ERN2: variants seen among roughly 807,000 people sequenced by gnomAD.
ERN2 encodes serine/threonine-protein kinase/endoribonuclease IRE2.
A neutral mutation model predicts 107.9 loss-of-function variants in ERN2; 111 were observed. The observed-to-expected ratio is 1.03, with a 90% CI of 0.88 to 1.20. ERN2 has a LOEUF of 1.20. Ranked by LOEUF, ERN2 falls within the 50% of genes most tolerant of loss-of-function variation. The pLI is 0.00. For missense variants in ERN2, 1,225 were observed against 1,197.9 expected (o/e 1.02, Z -0.33); for synonymous variants, 524 against 501.7 (o/e 1.04, Z -0.59).
rs752855204 is a variant in ERN2, at chr16:23,705,058, C to T, written c.679G>A (p.Val227Met). 39 of 1,613,856 alleles carry T rather than the reference C, an allele frequency of 2.4e-5. No individual in the cohort carries two copies. Among genetic ancestry groups the T allele is most frequent in the Admixed American group, 2.2e-4 (13 of 60,000 alleles). Residue 227 changes from valine (V) to methionine (M), a missense_variant, in exon 8 of 22, where the codon GTG (valine) becomes ATG (methionine). Val to Met is a conservative substitution (Grantham distance 21). Transcript: ENST00000256797. ...CAGGTGTAGACGCCCATCACAGGCA[C>T]GCCCAGGTCCTGTGTCCACAGCACC... Reference protein sequence around the residue: ...GTVLWTQDLGVPVMGVYTWHQ... With the variant: ...GTVLWTQDLGMPVMGVYTWHQ...
In ERN2 at chr16:23,710,207, A is replaced by G; in HGVS notation, c.271T>C (p.Tyr91His). 1 of 1,614,042 alleles carries G rather than the reference A, an allele frequency of 6.2e-7. No homozygotes were observed. The highest frequency in any genetic ancestry group is 8.5e-7 in the Non-Finnish European group (1 of 1,179,890). The stretch of plus-strand genomic sequence containing the variant: ...TGTTGTTTTTGGGTCCCCAAGATGT[A>G]CAGGCTGCCATCTGCTGGGTCAGAG... ...FLSDPADGSL[Y>H]ILGTQKQQGL... Residue 91 changes from tyrosine to histidine, a missense_variant, in exon 4 of 22, where the codon TAC (tyrosine) becomes CAC (histidine). Coordinates refer to ENST00000256797, the MANE Select transcript of ERN2 (RefSeq NM_033266.4).
chr16:23,701,760 GCTGGGA>G (rs1247814394), intron 11 of ERN2, among the ~76,000 whole-genome samples: 2 of 151,656 alleles, frequency 1.3e-5, no homozygotes, highest in Admixed American at 1.3e-4. Context: ...CTCCTGAGTA[GCTGGGA>G]CTACAGATGC....
In ERN2 at chr16:23,692,333, T is replaced by C; in HGVS notation, c.2101-2A>G. On this transcript the variant is annotated splice_acceptor_variant, in intron 17 of 21. Transcript: ENST00000256797. LOFTEE classifies it high-confidence loss of function. The stretch of plus-strand genomic sequence containing the variant: ...AGAGAAGATGTCCACAGCGCTGGTC[T>C]GGAGCCAGAGAGATGGGCATGAGAA... The C allele has an allele frequency of 6.2e-7, 1 of 1,612,268 alleles. No individual in the cohort carries two copies. Among genetic ancestry groups the C allele is most frequent in the Non-Finnish European group, 8.5e-7 (1 of 1,179,996 alleles).
intron 2 of ERN2, 41 bp from the exon 3 acceptor site, chr16:23,710,590 G>T (rs753952389): frequency 6.2e-7 from 1 of 1,610,174 alleles, no homozygotes. Flanking sequence ...GTTTCCTCCA[G>T]ACCCCACTGA....
At chr16:23,694,962 G>C (rs1225256459) in intron 16 of ERN2, 35 bp from the exon 17 acceptor site, 1 of 1,613,722 alleles carries the variant, frequency 6.2e-7, no homozygotes, top group South Asian at 1.1e-5. Context: ...GCTGGTTGCT[G>C]AGGGCGGAAG....
rs755645010 is a variant in ERN2, at chr16:23,710,970, C to T, written c.142G>A (p.Gly48Arg). Residue 48 changes from glycine (G) to arginine (R), a missense_variant, in exon 2 of 22, where the codon GGA becomes AGA. Coordinates refer to ENST00000256797, the MANE Select transcript of ERN2 (RefSeq NM_033266.4). ...ENLLLVSTLD[G>R]SLHALSKQTG... ...TGCTTGCTTAGTGCGTGGAGACTTC[C>T]ATCCAAGGTGGACACCAGCAGGAGG... 9 of 1,614,030 alleles carry T rather than the reference C, an allele frequency of 5.6e-6. No individual in the cohort carries two copies. The East Asian group carries it at 1.8e-4, about 32-fold the overall frequency.
chr16:23,699,762 G>T (rs919429360), intron 13 of ERN2, among the ~76,000 whole-genome samples: 2 of 152,060 alleles, frequency 1.3e-5, no homozygotes, highest in Admixed American at 6.5e-5. Flanking sequence ...ATTGAGAAAA[G>T]ATAAGTGTTT....
At position 23,709,503 on chromosome 16, in the gene ERN2, C is replaced by T. The variant is rs148195620; in HGVS notation, c.306+669G>A. The stretch of plus-strand genomic sequence containing the variant: ...TGTTTTTTCACCACTGGATTCTCAG[C>T]TTGGCCATGTGACCTGCTTTGGCTG... On this transcript the variant is annotated intron_variant, in intron 4 of 21. Coordinates refer to ENST00000256797, the MANE Select transcript of ERN2 (RefSeq NM_033266.4). The T allele has an allele frequency of 1.3e-4, 32 of 237,330 alleles. No individual in the cohort carries two copies. In the Middle Eastern group the frequency reaches 4.0e-3, roughly 30 times the overall value. 14.7% of individuals were successfully genotyped at this position (237,330 alleles called of 1,614,324 possible).
chr16:23,695,839 G>T, intron 14 of ERN2, 55 bp downstream of exon 14: 1 of 1,376,334 alleles, frequency 7.3e-7, no homozygotes, highest in Non-Finnish European at 1.0e-6. Flanking sequence ...AGGGGACAGT[G>T]CCCACGAGGG....
intron 19 of ERN2, 78 bp downstream of exon 19, chr16:23,691,885 A>G (rs1959610468): frequency 6.5e-7 from 1 of 1,531,742 alleles, no homozygotes; most frequent in Non-Finnish European, 8.8e-7. Context: ...TCCCTCAGCT[A>G]ATCTAATATC....
At chr16:23,694,680 G>A in intron 17 of ERN2, 48 bp downstream of exon 17, 2 of 1,494,446 alleles carry the variant, frequency 1.3e-6, no homozygotes, top group Non-Finnish European at 1.8e-6. Flanking sequence ...ACGGATTCCT[G>A]CAGCCTGGGG....
chr16:23,707,830 T>G (rs1960382828), intron 4 of ERN2, among the ~76,000 whole-genome samples: 1 of 152,154 alleles, frequency 6.6e-6, no homozygotes, highest in African/African-American at 2.4e-5. Flanking sequence ...TCAACAGCCA[T>G]GAGAGACTCA....
intron 2 of ERN2, 71 bp downstream of exon 2, chr16:23,710,842 C>G (rs978068839): frequency 1.8e-6 from 2 of 1,137,344 alleles, no homozygotes; most frequent in Admixed American, 3.4e-5. Context: ...TTCTTATTCT[C>G]TATGCCACAG....
chr16:23,701,682 T>C (rs1960074381), intron 11 of ERN2, among the ~76,000 whole-genome samples: 1 of 151,810 alleles, frequency 6.6e-6, no homozygotes, highest in African/African-American at 2.4e-5. Flanking sequence ...TGTTATACAG[T>C]GCAGTGGTGT....
Position 23,691,401 on chromosome 16 carries a change from CCTT to C in ERN2, c.2398_2400del (p.Lys800del), listed in dbSNP as rs1164558304. Reference sequence around the variant, plus strand: ...CTCACCAGGGGCTCCTGCTCGGACTCCTTCTCCAGCCAGTCACTGACGTCCTGG... The same window carrying C: ...CTCACCAGGGGCTCCTGCTCGGACTCCTCCAGCCAGTCACTGACGTCCTGG... On this transcript the variant is annotated inframe_deletion, in exon 20 of 22. Transcript: ENST00000256797. 4.4e-6 allele frequency: 7 copies of C among 1,599,534 alleles called. No homozygotes were observed. Among genetic ancestry groups the C allele is most frequent in the African/African-American group, 1.3e-5 (1 of 74,914 alleles).
intron 8 of ERN2, among the ~76,000 whole-genome samples, chr16:23,703,443 C>T (rs1240460014): frequency 1.3e-5 from 2 of 152,200 alleles, no homozygotes; most frequent in Admixed American, 1.3e-4. Context: ...ATATATCTTA[C>T]ACTCCACCTA....
In ERN2 at chr16:23,695,882, G is replaced by T. The variant is rs778271350; in HGVS notation, c.1610+12C>A. 3.1e-6 allele frequency: 5 copies of T among 1,610,682 alleles called. No individual in the cohort carries two copies. The African/African-American group carries it at 6.7e-5, about 22-fold the overall frequency. On this transcript the variant is annotated intron_variant, in intron 14 of 21. Transcript: ENST00000256797. ...TGCCATGTCCCCAGCTTGGCTCCTGGCTGCCACTCACCGGAAAACGAAAGT... is the reference window on the plus strand; with the variant it reads ...TGCCATGTCCCCAGCTTGGCTCCTGTCTGCCACTCACCGGAAAACGAAAGT...
intron 12 of ERN2, 62 bp from the exon 13 acceptor site, chr16:23,700,766 G>A (rs879162898): frequency 1.9e-6 from 3 of 1,546,750 alleles, no homozygotes; most frequent in African/African-American, 2.7e-5. Context: ...GATGGGCCCA[G>A]TATCTGTGAC....
Position 23,707,043 on chromosome 16 carries a change from A to C in ERN2, c.343T>G (p.Ser115Ala), listed in dbSNP as rs1960348073. 4 of 1,614,048 alleles carry C rather than the reference A, an allele frequency of 2.5e-6. No individual in the cohort carries two copies. The highest frequency in any genetic ancestry group is 2.2e-5 in the East Asian group (1 of 44,896). The part of the protein sequence containing the change: ...PFTIPELVHA[S>A]PCRSSDGVFY... ...ACCCCATCAGAGCTGCGGCAGGGAG[A>C]GGCATGAACCAGCTCAGGGATGGTG... is the stretch of plus-strand genomic sequence containing the variant. The change falls in exon 5 of 22, where the codon TCT (serine) becomes GCT (alanine). Residue 115 changes from serine to alanine, a missense_variant. By Grantham distance (99) the Ser-to-Ala change is moderately conservative (BLOSUM62 1). Coordinates refer to ENST00000256797, the MANE Select transcript of ERN2 (RefSeq NM_033266.4).
Sources: gnomAD v4.1 joint callset for allele counts (sites outside exome capture counted in the v4.1 genomes callset) on GRCh38, gnomAD v4.1.1 for gene constraint, MANE v1.5 for transcripts, NCBI Gene and HGNC (gene_info 2026-07-23, HGNC 2026-07-21) for gene names.